Variants in ARHGEF3 observed in about 807,000 individuals in gnomAD.
ARHGEF3 encodes 59.8 kDA protein.
A neutral mutation model predicts 63.2 loss-of-function variants in ARHGEF3; 28 were observed. That is an observed-to-expected ratio of 0.44 (90% CI 0.33 to 0.61). The LOEUF (loss-of-function observed/expected upper bound fraction) is 0.61. Ranked by LOEUF, ARHGEF3 falls within the 20% of genes least tolerant of loss-of-function variation. The pLI is 0.03. For missense variants in ARHGEF3, 533 were observed against 659.3 expected (o/e 0.81, Z 2.10); for synonymous variants, 266 against 254.2 (o/e 1.05, Z -0.44).
rs747886010 is a variant in ARHGEF3, at chr3:57,002,498, T to TATATATATATATATA, written c.62+32589_62+32590insTATATATATATATAT. Among the ~76,000 whole-genome samples, 11 of 13,494 alleles carry TATATATATATATATA rather than the reference T, an allele frequency of 8.2e-4. 1 individual carries two copies. The highest frequency in any genetic ancestry group is 2.2e-3 in the African/African-American group (10 of 4,612). The allele number at this position is 13,494 out of a possible 152,430, so 8.9% of individuals were successfully genotyped here. A position where few individuals can be genotyped will look rare whatever the true frequency, so the allele number is the denominator to read the frequency against. ...TATATGTTATATATATATATATATGTTATATATATATATATGTTATATATG... is the reference window on the plus strand; with the variant it reads ...TATATGTTATATATATATATATATGTATATATATATATATATATATATATATATATGTTATATATG... On this transcript the variant is annotated intron_variant, in intron 2 of 12. Coordinates refer to the ARHGEF3 transcript ENST00000338458.
In ARHGEF3 at chr3:56,755,136, G is replaced by A. The variant is rs1261296565; in HGVS notation, c.220C>T (p.Arg74Cys). Residue 74 changes from arginine to cysteine, a missense_variant, in exon 3 of 10, where the codon CGC becomes TGC. Around this residue, in one of 4 missense-constraint regions of ARHGEF3, gnomAD observed 160 missense variants for 157.3 expected, o/e 1.02. Transcript: ENST00000296315. ...AGGATGTCAGGGCGGCTCTCACTGC[G>A]GAAGCTAATGGAGCGCTAAACAATG... Reference protein sequence around the residue: ...SQTLQRSISFRSESRPDILAP... With the variant: ...SQTLQRSISFCSESRPDILAP... 1.2e-6 allele frequency: 2 copies of A among 1,613,566 alleles called. No individual in the cohort carries two copies. Among genetic ancestry groups the A allele is most frequent in the South Asian group, 2.2e-5 (2 of 91,082 alleles).
At chr3:56,779,796 T>C (rs1255971445) in intron 1 of ARHGEF3, among the ~76,000 whole-genome samples, 1 of 152,262 alleles carries the variant, frequency 6.6e-6, no homozygotes, top group Admixed American at 6.5e-5. Flanking sequence ...TATAGATTTA[T>C]CTATTTTAGT....
At chr3:56,791,619 A>AC (rs1369915714) in intron 1 of ARHGEF3, among the ~76,000 whole-genome samples, 3 of 151,984 alleles carry the variant, frequency 2.0e-5, no homozygotes, top group Admixed American at 1.3e-4. Flanking sequence ...CACTTAGAAC[A>AC]CCCCCAGAGA....
intron 4 of ARHGEF3, among the ~76,000 whole-genome samples, chr3:56,867,671 G>A (rs1000701631): frequency 5.3e-5 from 8 of 152,024 alleles, no homozygotes; most frequent in Non-Finnish European, 1.2e-4. Context: ...GGGTTTCGTC[G>A]TGTTGCCCAG....
rs531340134 is a variant in ARHGEF3 at position 56,736,818 on chromosome 3, C to T, written c.1041+367G>A. ...TTTGTTTGAAAGAACGAAGGACAGG[C>T]ACGGTGGCTCAAGCCTGTAATTCCA... On this transcript the variant is annotated intron_variant, in intron 8 of 9. Transcript: ENST00000296315. Among the ~76,000 whole-genome samples, 7 of 152,284 alleles carry T rather than the reference C, an allele frequency of 4.6e-5. No individual in the cohort carries two copies. In the East Asian group the frequency reaches 9.6e-4, roughly 21 times the overall value.
intron 3 of ARHGEF3, chr3:56,940,484 GA>G (rs1234160029): frequency 2.6e-5 from 4 of 152,160 alleles, no homozygotes; most frequent in Non-Finnish European, 5.9e-5. Flanking sequence ...CATATGGCCA[GA>G]AAAAGAAACG....
At chr3:56,791,802 GA>G (rs1448968792) in intron 1 of ARHGEF3, among the ~76,000 whole-genome samples, 2 of 145,274 alleles carry the variant, frequency 1.4e-5, no homozygotes, top group Non-Finnish European at 3.0e-5. Flanking sequence ...CAGAAAAAAA[GA>G]AAAATGAAGA....
intron 1 of ARHGEF3, among the ~76,000 whole-genome samples, chr3:57,036,880 C>T (rs1163325955): frequency 6.6e-6 from 1 of 152,228 alleles, no homozygotes; most frequent in African/African-American, 2.4e-5. Flanking sequence ...CCTCCTCCAT[C>T]TGCCCTACCA....
intron 7 of ARHGEF3, among the ~76,000 whole-genome samples, chr3:56,739,010 G>A (rs138547363): frequency 7.9e-5 from 12 of 152,182 alleles, no homozygotes; most frequent in Admixed American, 2.6e-4. Flanking sequence ...TGGGAAAATC[G>A]CTTGAACCTG....
intron 2 of ARHGEF3, among the ~76,000 whole-genome samples, chr3:56,764,498 G>T (rs1045727705): frequency 6.6e-6 from 1 of 152,100 alleles, no homozygotes; most frequent in Non-Finnish European, 1.5e-5. Flanking sequence ...TAAGCCTACG[G>T]CAGGAGAGGC....
chr3:56,858,312 G>A (rs184543650), intron 4 of ARHGEF3, among the ~76,000 whole-genome samples: 2 of 148,980 alleles, frequency 1.3e-5, no homozygotes, highest in Non-Finnish European at 3.0e-5. Flanking sequence ...TCCATTCACT[G>A]TATCCACATG....
At chr3:56,773,993 A>G (rs1332757904) in intron 1 of ARHGEF3, among the ~76,000 whole-genome samples, 177 bp from the exon 2 acceptor site, 3 of 152,198 alleles carry the variant, frequency 2.0e-5, no homozygotes, top group Non-Finnish European at 4.4e-5. Context: ...GGAGGCAGGG[A>G]AGGAGAAATG....
At chr3:57,022,822 T>C (rs571083255) in intron 2 of ARHGEF3, among the ~76,000 whole-genome samples, 78 of 148,502 alleles carry the variant, frequency 5.3e-4, no homozygotes, top group African/African-American at 1.9e-3. Flanking sequence ...TCCACACGTA[T>C]GACCGTCTCA....
At chr3:56,829,898 C>T (rs2038867700) in intron 4 of ARHGEF3, among the ~76,000 whole-genome samples, 1 of 152,212 alleles carries the variant, frequency 6.6e-6, no homozygotes, top group Admixed American at 6.5e-5. Flanking sequence ...TTCACCAACT[C>T]TCTACCAAGC....
rs774720710 is a variant in ARHGEF3, at chr3:57,007,308, C to A, written c.62+27780G>T. On this transcript the variant is annotated intron_variant, in intron 2 of 12. Coordinates refer to the ARHGEF3 transcript ENST00000338458. ...AACCAGTTGTTCCTGCCATTGATTG[C>A]GCTGGTTCCAGAAACACCTCCAACA... The A allele has an allele frequency of 5.4e-6, 7 of 1,289,708 alleles. No homozygotes were observed. In the South Asian group the frequency reaches 6.2e-5, roughly 11 times the overall value. 79.9% of individuals were successfully genotyped at this position (1,289,708 alleles called of 1,614,324 possible). A position where few individuals can be genotyped will look rare whatever the true frequency, so the allele number is the denominator to read the frequency against.
chr3:56,825,691 C>T (rs58823518), intron 4 of ARHGEF3, among the ~76,000 whole-genome samples: 25,798 of 152,126 alleles, frequency 0.17, 2,272 homozygotes, highest in South Asian at 0.24. Flanking sequence ...CTACTCTATT[C>T]AAGACTTTCA....
chr3:56,913,349 G>A (rs1190623740), intron 3 of ARHGEF3, among the ~76,000 whole-genome samples: 2 of 152,182 alleles, frequency 1.3e-5, no homozygotes, highest in Non-Finnish European at 2.9e-5. Flanking sequence ...CAAAGGACTT[G>A]AACAGACATT....
chr3:57,006,774 C>T (rs979656312), intron 2 of ARHGEF3, among the ~76,000 whole-genome samples: 18 of 152,172 alleles, frequency 1.2e-4, no homozygotes, highest in Admixed American at 7.9e-4. Flanking sequence ...TTTCTCATGC[C>T]CGCCTGGAAA....
intron 3 of ARHGEF3, among the ~76,000 whole-genome samples, chr3:56,947,854 C>T (rs1185730132): frequency 6.6e-6 from 1 of 152,270 alleles, no homozygotes; most frequent in East Asian, 1.9e-4. Context: ...CGCACTTATT[C>T]CAAAATTGAC....
Sources: allele counts gnomAD v4.1 joint callset (sites outside exome capture counted in the v4.1 genomes callset), GRCh38; gene constraint gnomAD v4.1.1; regional missense constraint gnomAD v4.1.1; transcripts MANE v1.5; gene names NCBI Gene and HGNC (gene_info 2026-07-23, HGNC 2026-07-21).